The following GOLGA8A variants were observed in gnomAD, a reference collection of about 807,000 sequenced individuals.
GOLGA8A encodes golgin subfamily A member 8A.
In GOLGA8A, 3 loss-of-function variants were observed where a neutral mutation model predicts 22.1. The observed-to-expected ratio is 0.14, with a 90% CI of 0.06 to 0.35. The LOEUF is 0.35. Ranked by LOEUF, GOLGA8A falls within the 10% of genes least tolerant of loss-of-function variation. The pLI is 1.00. For synonymous variants in GOLGA8A, 7 were observed against 91.7 expected, an observed-to-expected ratio of 0.08 and a Z score of 5.28; for missense variants, 16 against 233.2, an observed-to-expected ratio of 0.07 and a Z score of 6.07.
chr15:34,425,992 A>C (rs28417242), intron 2 of GOLGA8A, among the ~76,000 whole-genome samples: 2,324 of 145,174 alleles, frequency 0.016, 238 homozygotes, highest in African/African-American at 0.056. Flanking sequence ...CCGCTGCCCC[A>C]CACACTAGCA....
intron 2 of GOLGA8A, among the ~76,000 whole-genome samples, chr15:34,423,653 G>A (rs1892868367): frequency 6.7e-6 from 1 of 148,382 alleles, no homozygotes; most frequent in Non-Finnish European, 1.5e-5. Flanking sequence ...GGATGACCCT[G>A]AGCTTCACAG....
rs1428893248 is a variant in GOLGA8A, at chr15:34,436,964, G to A, written c.-1212+434C>T. Among the ~76,000 whole-genome samples, 2 of 149,596 alleles carry A rather than the reference G, an allele frequency of 1.3e-5. 1 individual carries two copies. The highest frequency in any genetic ancestry group is 4.9e-5 in the African/African-American group (2 of 40,612). On this transcript the variant is annotated intron_variant, in intron 1 of 24. Transcript: ENST00000359187. Reference sequence around the variant, plus strand: ...GAACCCAGAGGCGATCCCAAACTCAGTAGTTGCCGCCCGGCACGGGGACTT... The same window carrying A: ...GAACCCAGAGGCGATCCCAAACTCAATAGTTGCCGCCCGGCACGGGGACTT...
At chr15:34,429,702 C>G (rs541334792) in intron 2 of GOLGA8A, among the ~76,000 whole-genome samples, 1 of 144,258 alleles carries the variant, frequency 6.9e-6, no homozygotes, top group South Asian at 2.5e-4. Context: ...AGTAGCTTCT[C>G]AGAAAATACC....
At chr15:34,417,901 T>C (rs1892637977) in intron 2 of GOLGA8A, 1 of 143,102 alleles carries the variant, frequency 7.0e-6, no homozygotes, top group African/African-American at 2.6e-5. Context: ...TGGGAGGTGC[T>C]ATTGGCATCT....
intron 2 of GOLGA8A, among the ~76,000 whole-genome samples, chr15:34,426,724 T>C (rs1392030791): frequency 6.9e-6 from 1 of 143,898 alleles, no homozygotes; most frequent in Non-Finnish European, 1.5e-5. Context: ...TACAAGATAA[T>C]TGCGAGAAGG....
At chr15:34,426,916 T>C (rs1394356095) in intron 2 of GOLGA8A, among the ~76,000 whole-genome samples, 1 of 144,450 alleles carries the variant, frequency 6.9e-6, no homozygotes, top group Non-Finnish European at 1.5e-5. Context: ...GGCAGATCTA[T>C]TTAATGATTA....
At chr15:34,420,523 G>A (rs1892756658) in intron 2 of GOLGA8A, among the ~76,000 whole-genome samples, 1 of 143,654 alleles carries the variant, frequency 7.0e-6, no homozygotes, top group Non-Finnish European at 1.5e-5. Context: ...GGTCACTGCA[G>A]TGAGGATGGA....
At chr15:34,431,985 A>T (rs1414406217) in intron 2 of GOLGA8A, among the ~76,000 whole-genome samples, 2 of 148,878 alleles carry the variant, frequency 1.3e-5, no homozygotes, top group Non-Finnish European at 3.0e-5. Context: ...AAATGTCAAT[A>T]GTGTTCTCCG....
intron 1 of GOLGA8A, among the ~76,000 whole-genome samples, chr15:34,436,893 G>A (rs1303063525): frequency 4.0e-5 from 6 of 149,764 alleles, no homozygotes; most frequent in Non-Finnish European, 6.0e-5. Context: ...ATTATACAGG[G>A]AAAGGGAAGG....
At position 34,381,030 on chromosome 15, in the gene GOLGA8A, G is replaced by A. The variant is rs369421183; in HGVS notation, c.*381C>T. The A allele has an allele frequency of 1.9e-4, 67 of 359,520 alleles. No individual in the cohort carries two copies. Among genetic ancestry groups the A allele is most frequent in the African/African-American group, 5.5e-4 (26 of 47,424 alleles). The allele number at this position is 359,520 out of a possible 1,614,324, so 22.3% of individuals were successfully genotyped here. On this transcript the variant is annotated 3_prime_UTR_variant, in exon 25 of 25. Coordinates refer to ENST00000359187, the MANE Select transcript of GOLGA8A (RefSeq NM_181077.5). Reference sequence around the variant, plus strand: ...CAAATTTTATCTGAATTCTGTAATGGACATCCATGCTGCAATAACATTAGA... The same window carrying A: ...CAAATTTTATCTGAATTCTGTAATGAACATCCATGCTGCAATAACATTAGA...
At chr15:34,418,072 A>G (rs1892645449) in intron 2 of GOLGA8A, 1 of 120,718 alleles carries the variant, frequency 8.3e-6, no homozygotes, top group African/African-American at 3.1e-5. Context: ...TTCTTCTTCT[A>G]TGTGTTGGTC....
intron 2 of GOLGA8A, chr15:34,416,496 A>C (rs1298523053): frequency 1.5e-5 from 2 of 134,992 alleles, no homozygotes; most frequent in African/African-American, 5.6e-5. Context: ...ATTTGAGAGA[A>C]GGACTAAAAG....
At chr15:34,424,999 A>G in intron 2 of GOLGA8A, among the ~76,000 whole-genome samples, 1 of 146,042 alleles carries the variant, frequency 6.8e-6, no homozygotes, top group East Asian at 2.0e-4. Context: ...AGGTGGGAGG[A>G]TCACTTGAGA....
chr15:34,425,656 G>A (rs1218140381), intron 2 of GOLGA8A, among the ~76,000 whole-genome samples: 6 of 145,110 alleles, frequency 4.1e-5, no homozygotes, highest in Non-Finnish European at 9.1e-5. Context: ...CAAAGGACAA[G>A]TGGCATCTGA....
intron 1 of GOLGA8A, among the ~76,000 whole-genome samples, chr15:34,436,949 G>A (rs563963146): frequency 1.7e-4 from 26 of 149,726 alleles, no homozygotes; most frequent in African/African-American, 5.6e-4. Flanking sequence ...GAACCCAGAG[G>A]CGATCCCAAA....
intron 2 of GOLGA8A, among the ~76,000 whole-genome samples, chr15:34,429,080 C>A (rs950460531): frequency 6.9e-6 from 1 of 143,984 alleles, no homozygotes; most frequent in Non-Finnish European, 1.5e-5. Flanking sequence ...CCTCACTGCA[C>A]CCCTCCCCAC....
chr15:34,416,396 G>C (rs349650), intron 2 of GOLGA8A: 1 of 137,218 alleles, frequency 7.3e-6, no homozygotes, highest in Non-Finnish European at 1.6e-5. Context: ...TTTGGTCTTA[G>C]TTTTCTTTCA....
rs542720600 is a variant in GOLGA8A at position 34,430,311 on chromosome 15, C to T, written c.-1123+5072G>A. ...ACATCCCACCTGCAAAACGATGACA[C>T]GCTCCTCTCCAGGTACCTGAACCTT... On this transcript the variant is annotated intron_variant, in intron 2 of 24. Transcript: ENST00000359187. Among the ~76,000 whole-genome samples, 58 of 148,968 alleles carry T rather than the reference C, an allele frequency of 3.9e-4. 2 individuals carry two copies. Among genetic ancestry groups the T allele is most frequent in the African/African-American group, 9.9e-4 (40 of 40,424 alleles).
intron 2 of GOLGA8A, among the ~76,000 whole-genome samples, chr15:34,425,388 T>TAAA (rs72034325): frequency 1.2e-4 from 15 of 129,260 alleles, no homozygotes; most frequent in Non-Finnish European, 2.2e-4. Context: ...TGGAATCCTA[T>TAAA]AAAAAAAAAA....
Sources: gnomAD v4.1 joint callset for allele counts (sites outside exome capture counted in the v4.1 genomes callset) on GRCh38, gnomAD v4.1.1 for gene constraint, MANE v1.5 for transcripts, NCBI Gene and HGNC (gene_info 2026-07-23, HGNC 2026-07-21) for gene names.